Variants in ULK4 observed in about 807,000 individuals in gnomAD.
The protein encoded by ULK4 is unc-51 like kinase 4.
Under a neutral mutation model 160.6 loss-of-function variants are expected in ULK4, and 133 were observed. The ratio of observed to expected loss-of-function variants is 0.83; its 90% confidence interval spans 0.72 to 0.96. The LOEUF (loss-of-function observed/expected upper bound fraction) is 0.96, where lower values mean the gene tolerates loss of function less well. Ranked by LOEUF, ULK4 falls within the 40% of genes least tolerant of loss-of-function variation. The pLI, the probability that ULK4 is intolerant of heterozygous loss-of-function variation, is 0.00. For missense variants in ULK4, 1,580 were observed against 1,499.5 expected (o/e 1.05, Z -0.89); for synonymous variants, 534 against 539.8 (o/e 0.99, Z 0.15).
chr3:41,664,302 G>A (rs2035283478), intron 29 of ULK4, among the ~76,000 whole-genome samples: 1 of 152,164 alleles, frequency 6.6e-6, no homozygotes, highest in Non-Finnish European at 1.5e-5. Context: ...GCATGGCTAA[G>A]ATGTAGCACA....
Position 41,900,776 on chromosome 3 carries a change from A to G in ULK4, c.1236T>C (p.Leu412=). ...CAACAAGATCTGAGTCCGTGTAGAT[A>G]AGCTCTCTCATCTGGGATTCCAGGT... is the stretch of plus-strand genomic sequence containing the variant. ...QQDLESQMRE[L]IYTDSDLVVT... is the part of the protein sequence containing the mutation. Residue 412 remains leucine (L), a synonymous_variant, in exon 13 of 37, where the codon CTT becomes CTC. Coordinates refer to ENST00000301831, the MANE Select transcript of ULK4 (RefSeq NM_017886.4). The G allele has an allele frequency of 6.2e-7, 1 of 1,613,518 alleles. No individual in the cohort carries two copies. Among genetic ancestry groups the G allele is most frequent in the South Asian group, 1.1e-5 (1 of 91,038 alleles).
intron 17 of ULK4, among the ~76,000 whole-genome samples, chr3:41,881,668 C>A (rs1056303659): frequency 1.3e-5 from 2 of 152,050 alleles, no homozygotes; most frequent in Non-Finnish European, 2.9e-5. Flanking sequence ...AAATAGTTCA[C>A]CAGATAGTTC....
intron 25 of ULK4, among the ~76,000 whole-genome samples, chr3:41,706,289 A>G (rs2036873553): frequency 6.6e-6 from 1 of 150,894 alleles, no homozygotes; most frequent in Non-Finnish European, 1.5e-5. Context: ...TAGGCAGAGC[A>G]CCCATGTTAC....
chr3:41,247,083 G>T, intron 36 of ULK4, 91 bp from the exon 37 acceptor site: 2 of 1,267,952 alleles, frequency 1.6e-6, no homozygotes, highest in African/African-American at 1.5e-5. Context: ...TTTTGCACCC[G>T]AGTATCTGGT....
chr3:41,906,012 T>C lies in ULK4; in HGVS notation c.1182+1833A>G, dbSNP rs1575923469. The stretch of plus-strand genomic sequence containing the variant: ...GCGGGCGGATCATGAGATCAGGAGA[T>C]CGAGACCATCCTGGCTAACACGGTG... On this transcript the variant is annotated intron_variant, in intron 12 of 36. Transcript: ENST00000301831. Among the ~76,000 whole-genome samples the C allele has an allele frequency of 2.0e-5, 3 of 151,672 alleles. No individual in the cohort carries two copies. In the South Asian group the frequency reaches 6.3e-4, roughly 32 times the overall value.
At position 41,831,531 on chromosome 3, in the gene ULK4, A is replaced by ATATATTTTTTTT; in HGVS notation, c.1764+4332_1764+4333insAAAAAAAATATA. 1.7e-4 allele frequency among the ~76,000 whole-genome samples: 24 copies of ATATATTTTTTTT among 138,128 alleles called. 1 individual carries two copies. Among genetic ancestry groups the ATATATTTTTTTT allele is most frequent in the African/African-American group, 6.8e-4 (24 of 35,272 alleles). 90.6% of individuals were successfully genotyped at this position (138,128 alleles called of 152,430 possible). On this transcript the variant is annotated intron_variant, in intron 18 of 36. Coordinates refer to ENST00000301831, the MANE Select transcript of ULK4 (RefSeq NM_017886.4). ...TTATTGTTATTTTATATATATATAT[A>ATATATTTTTTTT]TTTTTTTTTCTTTCTTAAACTTTAG... is the stretch of plus-strand genomic sequence containing the variant.
chr3:41,528,461 C>T (rs763803286), intron 32 of ULK4, among the ~76,000 whole-genome samples: 8 of 152,026 alleles, frequency 5.3e-5, no homozygotes, highest in Non-Finnish European at 8.8e-5. Flanking sequence ...AGCATCTTTT[C>T]GGAAGGGGAT....
At chr3:41,541,014 G>A (rs796602557) in intron 32 of ULK4, among the ~76,000 whole-genome samples, 18 of 152,254 alleles carry the variant, frequency 1.2e-4, no homozygotes, top group African/African-American at 4.3e-4. Context: ...TTTGGTGTGT[G>A]CAGAAGCTCT....
intron 17 of ULK4, among the ~76,000 whole-genome samples, chr3:41,856,824 T>C (rs867327150): frequency 4.6e-5 from 7 of 151,636 alleles, no homozygotes; most frequent in Middle Eastern, 3.4e-3. Context: ...GTAGACTGCT[T>C]GAGCCAGAAG....
chr3:41,707,313 AT>A (rs1450226353), intron 25 of ULK4, among the ~76,000 whole-genome samples: 1 of 152,146 alleles, frequency 6.6e-6, no homozygotes, highest in Non-Finnish European at 1.5e-5. Context: ...CTGGGCAATA[AT>A]TTTTTTAGAT....
At position 41,346,827 on chromosome 3, in the gene ULK4, T is replaced by C. The variant is rs574391975; in HGVS notation, c.3678+51252A>G. On this transcript the variant is annotated intron_variant, in intron 35 of 36. Transcript: ENST00000301831. ...TTCTGAAATAATTCCTTTAAAAATA[T>C]TTTCCAAGTATTCTTAAGTATAAAG... Among the ~76,000 whole-genome samples the C allele has an allele frequency of 1.6e-3, 248 of 152,330 alleles. 1 individual carries two copies. The highest frequency in any genetic ancestry group is 2.5e-3 in the Admixed American group (38 of 15,300).
At chr3:41,367,385 C>T (rs73828008) in intron 35 of ULK4, among the ~76,000 whole-genome samples, 5,517 of 152,214 alleles carry the variant, frequency 0.036, 270 homozygotes, top group East Asian at 0.19. Context: ...GGAACAGGGA[C>T]GGAAGGTTGA....
At chr3:41,441,533 T>C (rs2083169244) in intron 34 of ULK4, among the ~76,000 whole-genome samples, 1 of 152,104 alleles carries the variant, frequency 6.6e-6, no homozygotes, top group Non-Finnish European at 1.5e-5. Flanking sequence ...ACAAAATATA[T>C]AATATTTACA....
chr3:41,802,768 T>C (rs1478031106), intron 19 of ULK4, among the ~76,000 whole-genome samples: 3 of 152,220 alleles, frequency 2.0e-5, no homozygotes, highest in Admixed American at 2.0e-4. Flanking sequence ...AAAAATAAGG[T>C]TCTGATACAA....
chr3:41,248,913 C>T (rs1372619177), intron 36 of ULK4, among the ~76,000 whole-genome samples: 6 of 152,228 alleles, frequency 3.9e-5, no homozygotes, highest in African/African-American at 1.2e-4. Flanking sequence ...ACTGACTGTA[C>T]AGCCAAGGAC....
At chr3:41,652,380 AC>A (rs1220433241) in intron 30 of ULK4, among the ~76,000 whole-genome samples, 1 of 152,220 alleles carries the variant, frequency 6.6e-6, no homozygotes, top group African/African-American at 2.4e-5. Flanking sequence ...GAAAAACAAT[AC>A]TGGAGTGGAT....
chr3:41,347,564 T>C (rs1202791278), intron 35 of ULK4, among the ~76,000 whole-genome samples: 1 of 152,160 alleles, frequency 6.6e-6, no homozygotes, highest in African/African-American at 2.4e-5. Context: ...TATATATATA[T>C]GGTTCTCCCT....
At chr3:41,865,271 T>TAAAAAA (rs55741060) in intron 17 of ULK4, among the ~76,000 whole-genome samples, 11 of 29,896 alleles carry the variant, frequency 3.7e-4, no homozygotes, top group Non-Finnish European at 5.4e-4. Flanking sequence ...ACTCTGTCTT[T>TAAAAAA]AAAAAAAAAA....
In ULK4 at chr3:41,799,957, A is replaced by G. The variant is rs934418611; in HGVS notation, c.2010+175T>C. ...TTCTCTCACAGTCTCAAGGTTTTCC[A>G]GTTCCAAGTTTTCAAAATTCTCTTT... is the stretch of plus-strand genomic sequence containing the variant. On this transcript the variant is annotated intron_variant, in intron 20 of 36. Transcript: ENST00000301831. Among the ~76,000 whole-genome samples, 35 of 152,194 alleles carry G rather than the reference A, an allele frequency of 2.3e-4. 1 individual carries two copies. The highest frequency in any genetic ancestry group is 7.3e-5 in the Non-Finnish European group (5 of 68,032).
Sources: allele counts gnomAD v4.1 joint callset (sites outside exome capture counted in the v4.1 genomes callset), GRCh38; gene constraint gnomAD v4.1.1; transcripts MANE v1.5; gene names NCBI Gene and HGNC (gene_info 2026-07-23, HGNC 2026-07-21).